The following DGKH variants were observed in gnomAD, a reference collection of about 807,000 sequenced individuals.
DGKH encodes the protein diacylglycerol kinase eta, also known as DAG kinase eta.
Under a neutral mutation model 159.3 loss-of-function variants are expected in DGKH, and 90 were observed. The observed-to-expected ratio is 0.57, with a 90% confidence interval of 0.48 to 0.67. The LOEUF is 0.67. Among genes scored for constraint, DGKH ranks in the 30% least tolerant of loss-of-function variants. The pLI, the probability that DGKH is intolerant of heterozygous loss-of-function variation, is 0.00. For missense variants in DGKH, 1,181 were observed against 1,506.1 expected (o/e 0.78, Z 3.57); for synonymous variants, 536 against 553.8 (o/e 0.97, Z 0.45).
chr13:42,203,634 G>A (rs1208930194), intron 20 of DGKH, among the ~76,000 whole-genome samples: 4 of 152,136 alleles, frequency 2.6e-5, no homozygotes, highest in Non-Finnish European at 5.9e-5. Flanking sequence ...CTGCAGTTTT[G>A]TAGCATTTTG....
At chr13:42,150,841 C>T (rs548312241) in intron 3 of DGKH, among the ~76,000 whole-genome samples, 3 of 152,060 alleles carry the variant, frequency 2.0e-5, no homozygotes, top group Non-Finnish European at 4.4e-5. Flanking sequence ...ATGAGTGGCA[C>T]GTTACCTGGC....
At chr13:42,243,008 G>A (rs1209593803), downstream of DGKH, 4 of 152,126 alleles carry the variant, frequency 2.6e-5, no homozygotes, top group African/African-American at 9.7e-5. Context: ...GAGAGAGCTC[G>A]TGTACCCTTT....
intron 3 of DGKH, among the ~76,000 whole-genome samples, chr13:42,153,263 ATTC>A (rs1179229722): frequency 6.6e-6 from 1 of 152,244 alleles, no homozygotes; most frequent in Admixed American, 6.5e-5. Context: ...ATTAGAAGCT[ATTC>A]TTTATCCTTC....
At chr13:42,098,308 G>A (rs1006650072) in intron 1 of DGKH, among the ~76,000 whole-genome samples, 3 of 152,096 alleles carry the variant, frequency 2.0e-5, no homozygotes, top group African/African-American at 7.2e-5. Context: ...CCAACATGGC[G>A]AAACCCTGTC....
intron 1 of DGKH, chr13:42,040,166 C>G (rs1469256308): frequency 1.3e-5 from 2 of 152,356 alleles, no homozygotes; most frequent in African/African-American, 2.4e-5. Flanking sequence ...CTCAGCACCC[C>G]CAGGAGGGGA....
intron 3 of DGKH, among the ~76,000 whole-genome samples, chr13:42,139,337 C>T (rs1955480875): frequency 6.6e-6 from 1 of 152,198 alleles, no homozygotes; most frequent in South Asian, 2.1e-4. Context: ...GCTCTGGGAA[C>T]CTAGGACTTG....
chr13:42,070,408 CA>C (rs1437262920), intron 1 of DGKH: 62 of 1,378,076 alleles, frequency 4.5e-5, no homozygotes, highest in Non-Finnish European at 5.8e-5. Flanking sequence ...AAGGGTTTTA[CA>C]AAACAGTCAG....
intron 1 of DGKH, chr13:42,069,040 A>G: frequency 2.8e-6 from 4 of 1,439,240 alleles, no homozygotes; most frequent in Non-Finnish European, 3.9e-6. Context: ...TGGTGACCCA[A>G]CTGGACTGTG....
chr13:42,110,928 G>A (rs367808491), intron 1 of DGKH, among the ~76,000 whole-genome samples: 4 of 152,276 alleles, frequency 2.6e-5, no homozygotes, highest in South Asian at 4.1e-4. Context: ...AAGAGCATTA[G>A]GAAAAATAGC....
At chr13:42,116,928 A>G (rs2767388) in intron 1 of DGKH, among the ~76,000 whole-genome samples, 35,905 of 152,166 alleles carry the variant, frequency 0.24, 4,813 homozygotes, top group African/African-American at 0.36. Flanking sequence ...ACGATTTTTC[A>G]AAGTCAGGTT....
intron 7 of DGKH, among the ~76,000 whole-genome samples, chr13:42,164,198 C>A (rs796886339): frequency 6.6e-6 from 1 of 152,154 alleles, no homozygotes; most frequent in Non-Finnish European, 1.5e-5. Context: ...ATTTTTCCTA[C>A]TGTCATCCAG....
chr13:42,110,976 AT>A (rs1432666534), intron 1 of DGKH, among the ~76,000 whole-genome samples: 1 of 152,190 alleles, frequency 6.6e-6, no homozygotes, highest in East Asian at 1.9e-4. Flanking sequence ...TGATGGGTTG[AT>A]AGGTGCAGCA....
At chr13:42,221,656 G>C (rs1274655109) in intron 29 of DGKH, among the ~76,000 whole-genome samples, 1 of 152,164 alleles carries the variant, frequency 6.6e-6, no homozygotes, top group Non-Finnish European at 1.5e-5. Context: ...TGATATGACT[G>C]TTGCTGTGCT....
intron 3 of DGKH, among the ~76,000 whole-genome samples, chr13:42,132,453 C>A (rs1167077234): frequency 6.6e-6 from 1 of 152,204 alleles, no homozygotes; most frequent in Admixed American, 6.5e-5. Flanking sequence ...TTGAAGCATG[C>A]ATTAATTTCT....
intron 1 of DGKH, among the ~76,000 whole-genome samples, chr13:42,106,704 C>T (rs1427494313): frequency 6.6e-6 from 1 of 152,112 alleles, no homozygotes; most frequent in East Asian, 1.9e-4. Flanking sequence ...TTTACCTTCT[C>T]CTCATACTGT....
intron 14 of DGKH, 151 bp from the exon 15 acceptor site, chr13:42,188,885 C>A: frequency 1.2e-6 from 1 of 852,358 alleles, no homozygotes; most frequent in Non-Finnish European, 1.7e-6. Flanking sequence ...CTTCCAGAAC[C>A]AAAACATCTA....
intron 1 of DGKH, among the ~76,000 whole-genome samples, chr13:42,042,472 C>G (rs1880572717): frequency 6.6e-6 from 1 of 152,180 alleles, no homozygotes. Flanking sequence ...ACTGGAGCCT[C>G]TAAAACTAGA....
chr13:42,221,227 G>GT (rs1393783277), intron 28 of DGKH, 37 bp from the exon 29 acceptor site: 1 of 1,610,868 alleles, frequency 6.2e-7, no homozygotes, highest in South Asian at 1.1e-5. Context: ...CATTGAGCAT[G>GT]TAGAAATTAA....
chr13:42,254,888 C>CT (rs931537957), intron 30 of DGKH, among the ~76,000 whole-genome samples: 2 of 151,860 alleles, frequency 1.3e-5, no homozygotes, highest in Admixed American at 1.3e-4. Context: ...TTATGCATTT[C>CT]TTTTTTTAAA....
Sources: gnomAD v4.1 joint callset for allele counts (sites outside exome capture counted in the v4.1 genomes callset) on GRCh38, gnomAD v4.1.1 for gene constraint, MANE v1.5 for transcripts, NCBI Gene and HGNC (gene_info 2026-07-23, HGNC 2026-07-21) for gene names.